The following TLN1 variants were observed in gnomAD, a reference collection of about 807,000 sequenced individuals.
TLN1 encodes talin 1.
A neutral mutation model predicts 292.3 loss-of-function variants in TLN1; 56 were observed. That is an observed-to-expected ratio of 0.19 (90% confidence interval 0.15 to 0.24). The LOEUF is 0.24. Among genes scored for constraint, TLN1 ranks in the 10% least tolerant of loss-of-function variants. The probability of loss-of-function intolerance (pLI) is 1.00; values close to 1 mark genes in which losing one functional copy is unlikely to be tolerated. For synonymous variants in TLN1, 1,119 were observed against 1,253.7 expected, an observed-to-expected ratio of 0.89 and a Z score of 2.27; for missense variants, 2,433 against 3,248.2, an observed-to-expected ratio of 0.75 and a Z score of 6.10.
Position 35,724,030 on chromosome 9 carries a change from G to C in TLN1, c.704C>G (p.Ala235Gly). ...GCATTGGAAGCCAGCAAACTCACAGGCCTTGTCAAAGGAGACAGGGTGGGA... is the reference window on the plus strand; with the variant it reads ...GCATTGGAAGCCAGCAAACTCACAGCCCTTGTCAAAGGAGACAGGGTGGGA... ...NGSHPVSFDK[A>G]CEFAGFQCQI... The change falls in exon 7 of 57, where the codon GCC becomes GGC. Residue 235 changes from alanine to glycine, a missense_variant. Around this residue, in one of 7 missense-constraint regions of TLN1, gnomAD observed 78 missense variants for 88.8 expected, o/e 0.88. Coordinates refer to ENST00000314888, the MANE Select transcript of TLN1 (RefSeq NM_006289.4). The surrounding 1 kb of genome is among the most constrained non-coding windows in gnomAD (Gnocchi z 4.7). 6.2e-7 allele frequency: 1 copy of C among 1,614,000 alleles called. No homozygotes were observed. Among genetic ancestry groups the C allele is most frequent in the Non-Finnish European group, 8.5e-7 (1 of 1,179,942 alleles).
rs192509639 is a variant in TLN1 at position 35,725,591 on chromosome 9, C to A, written c.104G>T (p.Arg35Leu). The change falls in exon 2 of 57, where the codon CGG becomes CTG. Residue 35 changes from arginine (R) to leucine (L), a missense_variant. Around this residue, in one of 7 missense-constraint regions of TLN1, gnomAD observed 155 missense variants for 287.9 expected, o/e 0.54. Transcript: ENST00000314888. ...AGGACCAGCTGGGGCCTCTGGGATC[C>A]GCTCACGAATGATGCGGCAGGCGTC... ...VYDACRIIRE[R>L]IPEAPAGPPS... The A allele has an allele frequency of 1.9e-6, 3 of 1,613,498 alleles. No homozygotes were observed. The South Asian group carries it at 3.3e-5, about 18-fold the overall frequency.
Position 35,705,802 on chromosome 9 carries a change from T to C in TLN1, c.5561A>G (p.Gln1854Arg). 1 of 1,614,260 alleles carries C rather than the reference T, an allele frequency of 6.2e-7. No homozygotes were observed. Residue 1854 changes from glutamine to arginine, a missense_variant, in exon 42 of 57, where the codon CAA becomes CGA. Gln to Arg is a conservative substitution (Grantham distance 43). This residue lies in a region of TLN1 where 1,384 missense variants were observed against 1,699.6 expected (regional missense o/e 0.81). Coordinates refer to ENST00000314888, the MANE Select transcript of TLN1 (RefSeq NM_006289.4). ...GEPEGSFVDY[Q>R]TTMVRTAKAI... ...CTTGGCTGTCCGCACCATAGTTGTT[T>C]GGTAATCCACGAAGGAACCTTCTGG...
In TLN1 at chr9:35,711,684, G is replaced by A; in HGVS notation, c.3790C>T (p.Pro1264Ser). 2 of 1,614,214 alleles carry A rather than the reference G, an allele frequency of 1.2e-6. 1 individual carries two copies. The change falls in exon 29 of 57, where the codon CCT (proline) becomes TCT (serine). Residue 1264 changes from proline (P) to serine (S), a missense_variant. Coordinates refer to ENST00000314888, the MANE Select transcript of TLN1 (RefSeq NM_006289.4). ...TELVQASRGTPQDLARASGRF... is the reference protein window; with the variant it reads ...TELVQASRGTSQDLARASGRF... ...CCTGAGGCTCGAGCCAGGTCCTGAG[G>A]GGTTCCCCGAGAGGCCTGCACCAGT... is the stretch of plus-strand genomic sequence containing the variant.
Position 35,698,016 on chromosome 9 carries a change from G to C in TLN1, c.7500+28C>G, listed in dbSNP as rs750893660. 2.5e-6 allele frequency: 4 copies of C among 1,613,990 alleles called. No individual in the cohort carries two copies. The African/African-American group carries it at 5.3e-5, about 22-fold the overall frequency. Reference sequence around the variant, plus strand: ...GCAACATGACTGCCCTCCTGACAGCGTCCCTCAGCATCTGGGGTGAAGCTC... The same window carrying C: ...GCAACATGACTGCCCTCCTGACAGCCTCCCTCAGCATCTGGGGTGAAGCTC... On this transcript the variant is annotated intron_variant, in intron 56 of 56. Coordinates refer to ENST00000314888, the MANE Select transcript of TLN1 (RefSeq NM_006289.4). The surrounding 1 kb of genome is among the most constrained non-coding windows in gnomAD (Gnocchi z 5.3).
intron 33 of TLN1, among the ~76,000 whole-genome samples, chr9:35,708,727 A>G (rs1825608013): frequency 2.0e-5 from 3 of 152,382 alleles, no homozygotes; most frequent in Middle Eastern, 6.8e-3. Flanking sequence ...AATAAAAAGG[A>G]AAACTACATA....
chr9:35,730,545 G>GGAAT (rs1826057637), intron 1 of TLN1, among the ~76,000 whole-genome samples: 1 of 152,060 alleles, frequency 6.6e-6, no homozygotes, highest in South Asian at 2.1e-4. Flanking sequence ...GTGGAATGTA[G>GGAAT]GTACATGACT....
Position 35,699,144 on chromosome 9 carries a change from AC to A in TLN1, c.6886del (p.Val2296Ter), listed in dbSNP as rs1232459239. On this transcript the variant is annotated frameshift_variant, in exon 52 of 57. Transcript: ENST00000314888. LOFTEE classifies it high-confidence loss of function. The surrounding 1 kb of genome is among the most constrained non-coding windows in gnomAD (Gnocchi z 4.0). ...AATGACTGTGGGGTCCTCTGGGTCT[AC>A]CCATTCTGTTCCTGGTGGGATGAAG... ...AAEAMKGTEWVDPEDPTVIAE... is the reference protein window; with the variant it reads ...AAEAMKGTEWXDPEDPTVIAE... The A allele has an allele frequency of 6.2e-7, 1 of 1,610,252 alleles. No individual in the cohort carries two copies. Among genetic ancestry groups the A allele is most frequent in the Non-Finnish European group, 8.5e-7 (1 of 1,177,822 alleles).
Position 35,707,068 on chromosome 9 carries a change from A to G in TLN1, c.4955+4T>C. The G allele has an allele frequency of 6.2e-7, 1 of 1,612,084 alleles. No homozygotes were observed. Among genetic ancestry groups the G allele is most frequent in the Non-Finnish European group, 8.5e-7 (1 of 1,179,508 alleles). On this transcript the variant is annotated splice_donor_region_variant and intron_variant, in intron 37 of 56. Transcript: ENST00000314888. The surrounding 1 kb of genome is among the most constrained non-coding windows in gnomAD (Gnocchi z 5.6). Reference sequence around the variant, plus strand: ...AGCCACACTGGTTCCCCATCCCTCAATACCTCATGCTTGTAATTAGCTTCT... The same window carrying G: ...AGCCACACTGGTTCCCCATCCCTCAGTACCTCATGCTTGTAATTAGCTTCT...
intron 34 of TLN1, 50 bp downstream of exon 34, chr9:35,708,291 C>A: frequency 6.5e-7 from 1 of 1,531,760 alleles, no homozygotes; most frequent in South Asian, 1.3e-5. Flanking sequence ...TCCACGGGGT[C>A]GGTCTGCCCT....
In TLN1 at chr9:35,714,715, C is replaced by A. The variant is rs374841929; in HGVS notation, c.2872-28G>T. The A allele has an allele frequency of 5.4e-5, 87 of 1,612,476 alleles. No individual in the cohort carries two copies. The highest frequency in any genetic ancestry group is 7.0e-5 in the Non-Finnish European group (82 of 1,178,940). On this transcript the variant is annotated intron_variant, in intron 22 of 56. Coordinates refer to ENST00000314888, the MANE Select transcript of TLN1 (RefSeq NM_006289.4). This position sits in a 1 kb window ranked among gnomAD's most constrained non-coding sequence, Gnocchi z 4.6. ...GTAGGTGAAAATGTCATAAGAGACC[C>A]ACAAGTCTCCCTCTTCCACTCCCAC...
chr9:35,705,854 G>T lies in TLN1; in HGVS notation c.5512-3C>A, dbSNP rs1303724252. On this transcript the variant is annotated splice_region_variant and splice_polypyrimidine_tract_variant and intron_variant, in intron 41 of 56. Transcript: ENST00000314888. ...TCACCCATTGGTCCTTCATCTAGCT[G>T]AGGGGGGAGGATAGGGAAAGGGAAA... 6.2e-7 allele frequency: 1 copy of T among 1,614,226 alleles called. No homozygotes were observed. The highest frequency in any genetic ancestry group is 8.5e-7 in the Non-Finnish European group (1 of 1,180,030).
At position 35,698,753 on chromosome 9, in the gene TLN1, T is replaced by C. The variant is rs1825412709; in HGVS notation, c.7125+55A>G. On this transcript the variant is annotated intron_variant, in intron 53 of 56. Transcript: ENST00000314888. The surrounding 1 kb of genome is among the most constrained non-coding windows in gnomAD (Gnocchi z 5.3). ...AAGACTCGCTGGCTATGGATGTGGA[T>C]GTGGACATCAAAGTGCCAACCTGTC... 9 of 1,613,858 alleles carry C rather than the reference T, an allele frequency of 5.6e-6. No homozygotes were observed. The South Asian group carries it at 7.7e-5, about 14-fold the overall frequency.
At chr9:35,716,166 G>C (rs1241208121) in intron 20 of TLN1, among the ~76,000 whole-genome samples, 3 of 149,172 alleles carry the variant, frequency 2.0e-5, no homozygotes, top group Non-Finnish European at 4.4e-5. Context: ...GACCAGCCTG[G>C]GCAACACAGT....
chr9:35,697,254 A>C lies in TLN1; in HGVS notation c.*537T>G, dbSNP rs942191890. ...CCCCTCTCCCATTTCAAGCTGGATC[A>C]AGCTGGGTGACAGAATTCAACCCCA... On this transcript the variant is annotated 3_prime_UTR_variant, in exon 57 of 57. Coordinates refer to ENST00000314888, the MANE Select transcript of TLN1 (RefSeq NM_006289.4). 1.3e-5 allele frequency: 2 copies of C among 153,282 alleles called. No individual in the cohort carries two copies. The highest frequency in any genetic ancestry group is 6.5e-5 in the Admixed American group (1 of 15,380). 9.5% of individuals were successfully genotyped at this position (153,282 alleles called of 1,614,324 possible). A position where few individuals can be genotyped will look rare whatever the true frequency, so the allele number is the denominator to read the frequency against.
rs756040619 is a variant in TLN1 at position 35,717,637 on chromosome 9, T to C, written c.2145A>G (p.Gln715=). The C allele has an allele frequency of 8.1e-6, 13 of 1,613,426 alleles. No individual in the cohort carries two copies. The highest frequency in any genetic ancestry group is 1.7e-5 in the Admixed American group (1 of 59,980). The change falls in exon 18 of 57, where the codon CAA becomes CAG. Residue 715 remains glutamine, a synonymous_variant. Coordinates refer to ENST00000314888, the MANE Select transcript of TLN1 (RefSeq NM_006289.4). This position sits in a 1 kb window ranked among gnomAD's most constrained non-coding sequence, Gnocchi z 4.7. ...AATQCALSTS[Q]LVACTKVVAP... is the part of the protein sequence containing the mutation. ...GGCTCACCTTAGTACAGGCCACTAG[T>C]TGGGAAGTGGATAGGGCACACTGTG...
At position 35,719,201 on chromosome 9, in the gene TLN1, C is replaced by G. The variant is rs773010808; in HGVS notation, c.1769G>C (p.Gly590Ala). 1 of 1,614,212 alleles carries G rather than the reference C, an allele frequency of 6.2e-7. No homozygotes were observed. Among genetic ancestry groups the G allele is most frequent in the South Asian group, 1.1e-5 (1 of 91,080 alleles). The change falls in exon 16 of 57, where the codon GGG (glycine) becomes GCG (alanine). Residue 590 changes from glycine (G) to alanine (A), a missense_variant. Coordinates refer to ENST00000314888, the MANE Select transcript of TLN1 (RefSeq NM_006289.4). This position sits in a 1 kb window ranked among gnomAD's most constrained non-coding sequence, Gnocchi z 4.6. ...ISSNLTEMSRGVKLLAALLED... is the reference protein window; with the variant it reads ...ISSNLTEMSRAVKLLAALLED... ...CAGCAAGGCAGCCAGCAGCTTCACC[C>G]CACGGGACATCTCCGTCAGGTTGGA...
chr9:35,710,901 G>T lies in TLN1; in HGVS notation c.4114-15C>A. The T allele has an allele frequency of 6.2e-7, 1 of 1,614,086 alleles. No individual in the cohort carries two copies. The highest frequency in any genetic ancestry group is 8.5e-7 in the Non-Finnish European group (1 of 1,180,004). On this transcript the variant is annotated splice_polypyrimidine_tract_variant and intron_variant, in intron 31 of 56. Coordinates refer to ENST00000314888, the MANE Select transcript of TLN1 (RefSeq NM_006289.4). ...TCCCGGACCGTCTGTGTAGGGGGAG[G>T]GCAAAGTGAGATCCAAGACACCTCC...
At position 35,707,312 on chromosome 9, in the gene TLN1, A is replaced by T; in HGVS notation, c.4773+36T>A. 1 of 1,610,694 alleles carries T rather than the reference A, an allele frequency of 6.2e-7. No individual in the cohort carries two copies. The highest frequency in any genetic ancestry group is 8.5e-7 in the Non-Finnish European group (1 of 1,177,424). ...GGAGTCCCTGGAAGATGAGGTGATA[A>T]GCTGGCCCATCAGTTCCCCCTTCAC... On this transcript the variant is annotated intron_variant, in intron 36 of 56. Transcript: ENST00000314888. This position sits in a 1 kb window ranked among gnomAD's most constrained non-coding sequence, Gnocchi z 5.6.
intron 1 of TLN1, among the ~76,000 whole-genome samples, chr9:35,731,495 C>T (rs1241189373): frequency 1.3e-5 from 2 of 152,210 alleles, no homozygotes; most frequent in African/African-American, 4.8e-5. Flanking sequence ...CACGCTTTCA[C>T]TGTTTATCCT....
Sources: allele counts gnomAD v4.1 joint callset (sites outside exome capture counted in the v4.1 genomes callset), GRCh38; gene constraint gnomAD v4.1.1; regional missense constraint gnomAD v4.1.1; non-coding constraint Gnocchi (gnomAD v3.1); transcripts MANE v1.5; gene names NCBI Gene and HGNC (gene_info 2026-07-23, HGNC 2026-07-21).